OR6K3: variants seen among roughly 807,000 people sequenced by gnomAD.
OR6K3 encodes the protein olfactory receptor family 6 subfamily K member 3.
For synonymous variants in OR6K3, 169 were observed against 137.7 expected (o/e 1.23, Z -1.59); for missense variants, 396 against 382.5 (o/e 1.04, Z -0.29).
chr1:158,717,688 T>C lies in OR6K3; in HGVS notation c.428A>G (p.Gln143Arg), dbSNP rs770143572. The C allele has an allele frequency of 6.2e-7, 1 of 1,613,762 alleles. No individual in the cohort carries two copies. The highest frequency in any genetic ancestry group is 1.1e-5 in the South Asian group (1 of 91,054). ...GAAGAGGCAGGAACCTGCAGAGAGT[T>C]GAGCACAGAGCCGGGGGGTCATGAT... The part of the protein sequence containing the change: ...QMIMTPRLCA[Q>R]LSAGSCLFGF... The change falls in exon 2 of 2, where the codon CAA (glutamine) becomes CGA (arginine). Residue 143 changes from glutamine to arginine, a missense_variant. By Grantham distance (43) the Gln-to-Arg change is conservative (BLOSUM62 1). Coordinates refer to ENST00000368145, the MANE Select transcript of OR6K3 (RefSeq NM_001005327.3).
upstream of OR6K3, chr1:158,724,868 T>C (rs1419338517): frequency 9.2e-6 from 2 of 217,936 alleles, no homozygotes; most frequent in Non-Finnish European, 2.0e-5. Flanking sequence ...AATGAGAAAA[T>C]GCTGATAAAA....
At chr1:158,721,526 T>C (rs1359718536), upstream of OR6K3, among the ~76,000 whole-genome samples, 3 of 151,940 alleles carry the variant, frequency 2.0e-5, no homozygotes, top group African/African-American at 7.2e-5. Flanking sequence ...TGGGAGCCTA[T>C]TTTGGTTGTC....
At chr1:158,719,842 C>T (rs1327903452) in intron 1 of OR6K3, among the ~76,000 whole-genome samples, 9 of 151,964 alleles carry the variant, frequency 5.9e-5, no homozygotes, top group Admixed American at 4.6e-4. Context: ...GGTATTATTA[C>T]GTCACTAATG....
At chr1:158,723,038 T>C, upstream of OR6K3, among the ~76,000 whole-genome samples, 1 of 152,036 alleles carries the variant, frequency 6.6e-6, no homozygotes. Flanking sequence ...CCTGACTCTT[T>C]TATTTCTATT....
intron 1 of OR6K3, among the ~76,000 whole-genome samples, chr1:158,719,720 A>G (rs1656247086): frequency 6.6e-6 from 1 of 152,058 alleles, no homozygotes; most frequent in Admixed American, 6.6e-5. Context: ...TAGCTTCTCT[A>G]TGCCTTTAAT....
Position 158,717,354 on chromosome 1 carries a change from T to C in OR6K3, c.762A>G (p.Val254=), listed in dbSNP as rs574762371. The change falls in exon 2 of 2, where the codon GTA becomes GTG. Residue 254 remains valine (V), a synonymous_variant. Transcript: ENST00000368145. ...CGCTGAAACGCAAGTACATGAGTGA[T>C]ACACTGCCAAAGAATATCGGGAAGA... ...LMVFPIFFGS[V]SLMYLRFSDT... 6.2e-6 allele frequency: 10 copies of C among 1,613,628 alleles called. No individual in the cohort carries two copies. The East Asian group carries it at 1.3e-4, about 22-fold the overall frequency.
intron 1 of OR6K3, among the ~76,000 whole-genome samples, chr1:158,719,641 G>GA (rs1206058127): frequency 6.6e-6 from 1 of 151,716 alleles, no homozygotes; most frequent in East Asian, 1.9e-4. Flanking sequence ...CTAGATGCCA[G>GA]AAAAAAAATT....
upstream of OR6K3, among the ~76,000 whole-genome samples, chr1:158,723,529 C>T (rs1294390719): frequency 3.9e-5 from 6 of 151,988 alleles, no homozygotes; most frequent in Non-Finnish European, 8.8e-5. Flanking sequence ...ACAGATAACA[C>T]TTATTTTGCA....
chr1:158,721,919 T>G (rs1432066652), upstream of OR6K3, among the ~76,000 whole-genome samples: 1 of 151,960 alleles, frequency 6.6e-6, no homozygotes, highest in Non-Finnish European at 1.5e-5. Context: ...ATTTTGTATT[T>G]TTTATTTCTC....
At chr1:158,722,781 T>C (rs1656311060), upstream of OR6K3, among the ~76,000 whole-genome samples, 1 of 152,016 alleles carries the variant, frequency 6.6e-6, no homozygotes. Flanking sequence ...GATTTTTGTT[T>C]TTTGCTGTTA....
At chr1:158,724,938 C>A (rs1656356135), upstream of OR6K3, 1 of 183,864 alleles carries the variant, frequency 5.4e-6, no homozygotes, top group Non-Finnish European at 1.2e-5. Context: ...CAATAAGATT[C>A]CCAATGACAA....
chr1:158,722,437 T>C (rs538160288), upstream of OR6K3, among the ~76,000 whole-genome samples: 5 of 152,140 alleles, frequency 3.3e-5, no homozygotes, highest in East Asian at 9.7e-4. Context: ...CATGTCCTTC[T>C]CTGAACACAG....
At chr1:158,718,828 A>G (rs925279537) in intron 1 of OR6K3, among the ~76,000 whole-genome samples, 2 of 152,048 alleles carry the variant, frequency 1.3e-5, no homozygotes, top group African/African-American at 4.8e-5. Flanking sequence ...GCAAAATGGG[A>G]TTAAAAATAG....
chr1:158,721,587 T>A (rs1656284657), upstream of OR6K3, among the ~76,000 whole-genome samples: 1 of 151,924 alleles, frequency 6.6e-6, no homozygotes, highest in Non-Finnish European at 1.5e-5. Flanking sequence ...CACATTGTAT[T>A]TCCAATGATT....
chr1:158,720,182 T>C (rs1656254870), intron 1 of OR6K3, among the ~76,000 whole-genome samples: 1 of 152,068 alleles, frequency 6.6e-6, no homozygotes, highest in East Asian at 1.9e-4. Context: ...TCAGGATCCA[T>C]CATCAACTTA....
chr1:158,719,505 A>C (rs995293902), intron 1 of OR6K3, among the ~76,000 whole-genome samples: 1 of 151,998 alleles, frequency 6.6e-6, no homozygotes, highest in Non-Finnish European at 1.5e-5. Context: ...CCCATTGTTC[A>C]TGTTGCTTTC....
chr1:158,717,320 G>A lies in OR6K3; in HGVS notation c.796C>T (p.Pro266Ser), dbSNP rs1656171320. Residue 266 changes from proline (P) to serine (S), a missense_variant, in exon 2 of 2, where the codon CCA (proline) becomes TCA (serine). Transcript: ENST00000368145. Reference protein sequence around the residue: ...LMYLRFSDTYPPVLDTAIALM... With the variant: ...LMYLRFSDTYSPVLDTAIALM... ...GCAATGGCTGTGTCCAAAACTGGTG[G>A]ATAAGTGTCGCTGAAACGCAAGTAC... The A allele has an allele frequency of 1.2e-5, 20 of 1,613,766 alleles. No individual in the cohort carries two copies. Among genetic ancestry groups the A allele is most frequent in the Non-Finnish European group, 1.7e-5 (20 of 1,179,770 alleles).
intron 1 of OR6K3, among the ~76,000 whole-genome samples, chr1:158,720,056 T>C (rs1656252786): frequency 6.6e-6 from 1 of 152,034 alleles, no homozygotes; most frequent in Non-Finnish European, 1.5e-5. Context: ...CATTCTAACC[T>C]ACATACAGTT....
upstream of OR6K3, among the ~76,000 whole-genome samples, chr1:158,722,386 G>A (rs1209374658): frequency 6.6e-6 from 1 of 151,942 alleles, no homozygotes; most frequent in Non-Finnish European, 1.5e-5. Flanking sequence ...TACCTGGATA[G>A]TTCCTCACTT....
Sources: gnomAD v4.1 joint callset for allele counts (sites outside exome capture counted in the v4.1 genomes callset) on GRCh38, gnomAD v4.1.1 for gene constraint, MANE v1.5 for transcripts, NCBI Gene and HGNC (gene_info 2026-07-23, HGNC 2026-07-21) for gene names.